Variants in STK32B observed in about 807,000 individuals in gnomAD.
The protein encoded by STK32B is serine/threonine kinase 32B, also known as serine/threonine-protein kinase 32B.
STK32B carries 43 observed loss-of-function variants against 52.6 expected under a neutral mutation model. The ratio of observed to expected loss-of-function variants is 0.82; its 90% CI spans 0.64 to 1.05. The LOEUF (loss-of-function observed/expected upper bound fraction) is 1.05. STK32B is among the 50% of genes least tolerant of loss of function. The pLI, the probability that STK32B is intolerant of heterozygous loss-of-function variation, is 0.00. For missense variants in STK32B, 621 were observed against 534.6 expected (o/e 1.16, Z -1.59); for synonymous variants, 238 against 204.3 (o/e 1.17, Z -1.41).
intron 2 of STK32B, among the ~76,000 whole-genome samples, chr4:5,146,492 C>T (rs1716923081): frequency 6.6e-6 from 1 of 152,174 alleles, no homozygotes; most frequent in South Asian, 2.1e-4. Context: ...CTTCTGCCTG[C>T]TTTTTCTAGC....
intron 6 of STK32B, among the ~76,000 whole-genome samples, chr4:5,440,000 A>G (rs1714556098): frequency 6.6e-6 from 1 of 152,164 alleles, no homozygotes; most frequent in African/African-American, 2.4e-5. Flanking sequence ...TGTTTTGGTT[A>G]CTGTAGTCTT....
intron 7 of STK32B, among the ~76,000 whole-genome samples, chr4:5,452,767 T>C (rs1716121475): frequency 6.6e-6 from 1 of 152,266 alleles, no homozygotes; most frequent in East Asian, 1.9e-4. Flanking sequence ...TATTTTTTGG[T>C]AAATTGGCAA....
At chr4:5,326,190 G>A (rs1180832111) in intron 3 of STK32B, among the ~76,000 whole-genome samples, 2 of 152,078 alleles carry the variant, frequency 1.3e-5, no homozygotes, top group Non-Finnish European at 2.9e-5. Context: ...TACAGAACTC[G>A]CTGGTTATTA....
rs992191070 is a variant in STK32B at position 5,161,092 on chromosome 4, A to G, written c.109-7207A>G. ...ACATATTGTCTGATTATCCCATTAT[A>G]CCTCGGGTTCCCAGGGGAGAGTGAT... On this transcript the variant is annotated intron_variant, in intron 2 of 11. Transcript: ENST00000282908. Among the ~76,000 whole-genome samples, 5 of 152,246 alleles carry G rather than the reference A, an allele frequency of 3.3e-5. 1 individual carries two copies. Among genetic ancestry groups the G allele is most frequent in the Admixed American group, 1.3e-4 (2 of 15,296 alleles).
chr4:5,315,842 T>C (rs78037419), intron 3 of STK32B, among the ~76,000 whole-genome samples: 12,491 of 151,190 alleles, frequency 0.083, 836 homozygotes, highest in African/African-American at 0.18. Flanking sequence ...GTAGCTGGAA[T>C]TACAGGTGCA....
intron 2 of STK32B, among the ~76,000 whole-genome samples, chr4:5,163,610 C>G (rs1456722546): frequency 6.7e-6 from 1 of 149,306 alleles, no homozygotes; most frequent in Non-Finnish European, 1.5e-5. Flanking sequence ...TTGGAGGGGA[C>G]AAGGTCTTTG....
chr4:5,207,075 C>T (rs1722618270), intron 3 of STK32B, among the ~76,000 whole-genome samples: 1 of 152,182 alleles, frequency 6.6e-6, no homozygotes, highest in Non-Finnish European at 1.5e-5. Flanking sequence ...TGTTGGAACA[C>T]AGTCACACGC....
chr4:5,150,855 G>C (rs1375528360), intron 2 of STK32B, among the ~76,000 whole-genome samples: 1 of 152,138 alleles, frequency 6.6e-6, no homozygotes, highest in African/African-American at 2.4e-5. Context: ...TTTTAGAGTA[G>C]TGTCTCATCT....
In STK32B at chr4:5,427,219, G is replaced by T. The variant is rs372619780; in HGVS notation, c.562+10285G>T. Reference sequence around the variant, plus strand: ...TGACTGACTTTGAAATGTTGAACCAGCCTTACCTTCCCAGAAGAAACCCTG... The same window carrying T: ...TGACTGACTTTGAAATGTTGAACCATCCTTACCTTCCCAGAAGAAACCCTG... On this transcript the variant is annotated intron_variant, in intron 6 of 11. Coordinates refer to ENST00000282908, the MANE Select transcript of STK32B (RefSeq NM_018401.3). Among the ~76,000 whole-genome samples, 11 of 152,264 alleles carry T rather than the reference G, an allele frequency of 7.2e-5. No homozygotes were observed. In the South Asian group the frequency reaches 2.3e-3, roughly 32 times the overall value.
chr4:5,320,169 C>A (rs1731393421), intron 3 of STK32B, among the ~76,000 whole-genome samples: 2 of 152,136 alleles, frequency 1.3e-5, no homozygotes. Context: ...TCTACACTAC[C>A]TTATCCTTCC....
At chr4:5,222,041 A>C (rs1173973844) in intron 3 of STK32B, among the ~76,000 whole-genome samples, 1 of 152,042 alleles carries the variant, frequency 6.6e-6, no homozygotes, top group Non-Finnish European at 1.5e-5. Flanking sequence ...CTAGCATTCC[A>C]CCCCTCTGGA....
At chr4:5,425,285 A>G (rs2109083165) in intron 6 of STK32B, among the ~76,000 whole-genome samples, 1 of 152,278 alleles carries the variant, frequency 6.6e-6, no homozygotes, top group Non-Finnish European at 1.5e-5. Context: ...TGGTTGGTGA[A>G]GCAACACCCC....
intron 3 of STK32B, among the ~76,000 whole-genome samples, chr4:5,325,102 AC>A (rs1731787094): frequency 6.6e-6 from 1 of 152,096 alleles, no homozygotes; most frequent in Non-Finnish European, 1.5e-5. Flanking sequence ...TCATTGCTTT[AC>A]CCCATGTGGC....
At chr4:5,486,427 C>T (rs543512589) in intron 11 of STK32B, among the ~76,000 whole-genome samples, 23 of 152,226 alleles carry the variant, frequency 1.5e-4, no homozygotes, top group African/African-American at 5.1e-4. Context: ...TTGCTAAGAC[C>T]GTTGTAAAAG....
Position 5,422,445 on chromosome 4 carries a change from A to G in STK32B, c.562+5511A>G, listed in dbSNP as rs895493363. On this transcript the variant is annotated intron_variant, in intron 6 of 11. Transcript: ENST00000282908. ...AGCTCCCAGAGGTAACTCACAAAAG[A>G]TGATCCCGGAAGAAAAATTTGCATA... Among the ~76,000 whole-genome samples, 6 of 152,208 alleles carry G rather than the reference A, an allele frequency of 3.9e-5. No homozygotes were observed. In the East Asian group the frequency reaches 9.6e-4, roughly 24 times the overall value.
intron 3 of STK32B, among the ~76,000 whole-genome samples, chr4:5,284,614 A>T (rs896108629): frequency 6.6e-6 from 1 of 152,222 alleles, no homozygotes; most frequent in South Asian, 2.1e-4. Context: ...AAATGTAAAG[A>T]TGTAGTGTGA....
intron 3 of STK32B, among the ~76,000 whole-genome samples, chr4:5,288,956 C>G (rs1011121514): frequency 6.6e-6 from 1 of 152,116 alleles, no homozygotes; most frequent in Non-Finnish European, 1.5e-5. Flanking sequence ...CACCTTCATT[C>G]GTTGCAAATG....
chr4:5,246,040 A>G (rs1725426719), intron 3 of STK32B, among the ~76,000 whole-genome samples: 1 of 152,044 alleles, frequency 6.6e-6, no homozygotes, highest in South Asian at 2.1e-4. Flanking sequence ...TGAATCTGAC[A>G]ATTATGTGTC....
chr4:5,223,816 C>CAAA (rs1230344719), intron 3 of STK32B, among the ~76,000 whole-genome samples: 32 of 100,654 alleles, frequency 3.2e-4, no homozygotes, highest in South Asian at 2.3e-3. Flanking sequence ...GACTCCGTTT[C>CAAA]AAAAAAAAAA....
Sources: gnomAD v4.1 joint callset for allele counts (sites outside exome capture counted in the v4.1 genomes callset) on GRCh38, gnomAD v4.1.1 for gene constraint, MANE v1.5 for transcripts, NCBI Gene and HGNC (gene_info 2026-07-23, HGNC 2026-07-21) for gene names.